XKR9: variants seen among roughly 807,000 people sequenced by gnomAD.
XKR9 encodes XK related 9.
Under a neutral mutation model 32.0 loss-of-function variants are expected in XKR9, and 32 were observed. The ratio of observed to expected loss-of-function variants is 1.00; its 90% CI spans 0.76 to 1.34. XKR9 has a LOEUF of 1.34. Among genes scored for constraint, XKR9 ranks in the 40% most tolerant of loss-of-function variants. The probability of loss-of-function intolerance (pLI) is 0.00; values close to 1 mark genes in which losing one functional copy is unlikely to be tolerated. For synonymous variants in XKR9, 168 were observed against 143.4 expected (o/e 1.17, Z -1.22); for missense variants, 546 against 429.7 (o/e 1.27, Z -2.39).
the XKR9 span, among the ~76,000 whole-genome samples, chr8:71,038,343 C>T: frequency 7.3e-6 from 1 of 137,598 alleles, no homozygotes; most frequent in South Asian, 2.5e-4. Context: ...TTTTTTGAGA[C>T]ACAGTCTCGC....
the XKR9 span, among the ~76,000 whole-genome samples, chr8:71,022,184 T>C: frequency 6.6e-6 from 1 of 152,184 alleles, no homozygotes; most frequent in African/African-American, 2.4e-5. Flanking sequence ...TTCTGTTTCA[T>C]TTGTCTATGT....
At chr8:70,862,873 C>T in the XKR9 span, among the ~76,000 whole-genome samples, 3 of 152,074 alleles carry the variant, frequency 2.0e-5, no homozygotes, top group Non-Finnish European at 4.4e-5. Context: ...ATTCTGTGTA[C>T]TCAGGCCAAG....
the XKR9 span, among the ~76,000 whole-genome samples, chr8:70,825,160 G>A: frequency 6.6e-6 from 1 of 151,906 alleles, no homozygotes; most frequent in Non-Finnish European, 1.5e-5. Flanking sequence ...GAGTTATTTG[G>A]TGAATGATAA....
chr8:70,877,989 G>A, the XKR9 span, among the ~76,000 whole-genome samples: 4 of 152,180 alleles, frequency 2.6e-5, no homozygotes, highest in African/African-American at 9.7e-5. Context: ...AGCCAGAAGA[G>A]AGTGGGGGCC....
chr8:71,008,232 G>T, the XKR9 span, among the ~76,000 whole-genome samples: 5 of 152,106 alleles, frequency 3.3e-5, no homozygotes, highest in Admixed American at 1.3e-4. Context: ...AGGTACAAGG[G>T]CAAAGAGCAA....
the XKR9 span, among the ~76,000 whole-genome samples, chr8:71,012,810 C>T: frequency 2.0e-5 from 3 of 152,260 alleles, no homozygotes; most frequent in Admixed American, 6.5e-5. Flanking sequence ...ACATTCAGAA[C>T]CTGGGTGTTT....
chr8:70,841,262 AT>A, the XKR9 span, among the ~76,000 whole-genome samples: 2 of 152,220 alleles, frequency 1.3e-5, no homozygotes, highest in African/African-American at 4.8e-5. Flanking sequence ...ATACTTAAAA[AT>A]AAAAATTTCT....
chr8:70,867,954 A>G, the XKR9 span, among the ~76,000 whole-genome samples: 1 of 152,250 alleles, frequency 6.6e-6, no homozygotes, highest in Non-Finnish European at 1.5e-5. Flanking sequence ...CAAAGGGGCC[A>G]CAAGCCCCAT....
At chr8:70,926,156 C>T in the XKR9 span, among the ~76,000 whole-genome samples, 94 of 152,270 alleles carry the variant, frequency 6.2e-4, 1 homozygote, top group South Asian at 0.011. Flanking sequence ...CTCACTGCAA[C>T]CTCCACCTCC....
At chr8:70,721,623 T>C in intron 4 of XKR9, among the ~76,000 whole-genome samples, 1 of 152,224 alleles carries the variant, frequency 6.6e-6, no homozygotes, top group East Asian at 1.9e-4. Context: ...TGAGTGAGTT[T>C]CTTAATCCTG....
At chr8:70,746,381 ATATAAT>A (rs1807059281) in intron 2 of XKR9, among the ~76,000 whole-genome samples, 1 of 147,654 alleles carries the variant, frequency 6.8e-6, no homozygotes, top group Non-Finnish European at 1.5e-5. Context: ...ATAATATAAA[ATATAAT>A]TATATACAAA....
chr8:70,798,196 T>C, the XKR9 span, among the ~76,000 whole-genome samples: 37 of 152,296 alleles, frequency 2.4e-4, 1 homozygote, highest in Middle Eastern at 0.01. Context: ...CCTTTTTTTT[T>C]CTGCAACCTT....
At chr8:71,038,108 C>A in the XKR9 span, among the ~76,000 whole-genome samples, 5 of 152,070 alleles carry the variant, frequency 3.3e-5, no homozygotes, top group African/African-American at 1.2e-4. Flanking sequence ...GCTCCTCTAA[C>A]AAAATGTTAC....
chr8:70,721,768 T>C (rs1806289247), intron 4 of XKR9, among the ~76,000 whole-genome samples: 1 of 152,198 alleles, frequency 6.6e-6, no homozygotes, highest in Non-Finnish European at 1.5e-5. Context: ...CTGAGAAGAA[T>C]GTATATTCTG....
At chr8:70,858,566 A>G in the XKR9 span, among the ~76,000 whole-genome samples, 1 of 152,182 alleles carries the variant, frequency 6.6e-6, no homozygotes, top group East Asian at 1.9e-4. Context: ...TCCTGAGCAA[A>G]AAGAACAATG....
chr8:70,759,148 T>G (rs1807270807), intron 2 of XKR9, among the ~76,000 whole-genome samples: 1 of 152,206 alleles, frequency 6.6e-6, no homozygotes, highest in Non-Finnish European at 1.5e-5. Flanking sequence ...CAGTTTTTCA[T>G]CAAAAATGGG....
At chr8:70,682,075 T>C (rs1819100829) in intron 3 of XKR9, among the ~76,000 whole-genome samples, 1 of 152,180 alleles carries the variant, frequency 6.6e-6, no homozygotes. Flanking sequence ...GCTATAGTTA[T>C]TATGTTTTTA....
the XKR9 span, among the ~76,000 whole-genome samples, chr8:70,867,892 G>A: frequency 6.6e-6 from 1 of 152,230 alleles, no homozygotes; most frequent in East Asian, 1.9e-4. Flanking sequence ...TACAATGGGG[G>A]TATAGGCATT....
chr8:70,741,376 C>G (rs1394834127), intron 2 of XKR9, among the ~76,000 whole-genome samples: 1 of 152,186 alleles, frequency 6.6e-6, no homozygotes, highest in Non-Finnish European at 1.5e-5. Context: ...TAGTGCTATG[C>G]TCTTGGCCTT....
Sources: gnomAD v4.1 joint callset for allele counts (sites outside exome capture counted in the v4.1 genomes callset) on GRCh38, gnomAD v4.1.1 for gene constraint, MANE v1.5 for transcripts, NCBI Gene and HGNC (gene_info 2026-07-23, HGNC 2026-07-21) for gene names.